DNAH14: variants seen among roughly 807,000 people sequenced by gnomAD.
DNAH14 encodes dynein axonemal heavy chain 14, also known as axonemal beta dynein heavy chain 14.
DNAH14 carries 478 observed loss-of-function variants against 520.9 expected under a neutral mutation model. That is an observed-to-expected ratio of 0.92 (90% confidence interval 0.85 to 0.99). The LOEUF (loss-of-function observed/expected upper bound fraction) is 0.99, where lower values mean the gene tolerates loss of function less well. Among genes scored for constraint, DNAH14 ranks in the 50% least tolerant of loss-of-function variants. The pLI, the probability that DNAH14 is intolerant of heterozygous loss-of-function variation, is 0.00. For synonymous variants in DNAH14, 1,581 were observed against 1,757.2 expected, an observed-to-expected ratio of 0.90 and a Z score of 2.51; for missense variants, 4,831 against 5,234.5, an observed-to-expected ratio of 0.92 and a Z score of 2.38.
rs1329090384 is a variant in DNAH14, at chr1:225,232,387, C to G, written c.6518+1236C>G. 1.3e-5 allele frequency among the ~76,000 whole-genome samples: 2 copies of G among 151,744 alleles called. No individual in the cohort carries two copies. The highest frequency in any genetic ancestry group is 4.8e-5 in the African/African-American group (2 of 41,280). On this transcript the variant is annotated intron_variant, in intron 42 of 85. Transcript: ENST00000682510. This position sits in a 1 kb window ranked among gnomAD's most constrained non-coding sequence, Gnocchi z 4.2. ...TAGTAATATGATTAATGTGCTTGTA[C>G]ATGTCTCTTGGTACTTATATGCAAT...
chr1:225,256,293 G>C (rs1193058715), intron 44 of DNAH14, among the ~76,000 whole-genome samples: 3 of 152,140 alleles, frequency 2.0e-5, no homozygotes, highest in Admixed American at 6.5e-5. Context: ...AAAACAGAGA[G>C]AATTAGTGCG....
chr1:225,202,654 C>T (rs936047507), intron 38 of DNAH14, among the ~76,000 whole-genome samples: 6 of 152,286 alleles, frequency 3.9e-5, no homozygotes, highest in Admixed American at 6.5e-5. Context: ...ATGCTTCCTC[C>T]GCCTATGGAG....
At position 225,210,742 on chromosome 1, in the gene DNAH14, T is replaced by C. The variant is rs560960851; in HGVS notation, c.6439+3522T>C. On this transcript the variant is annotated intron_variant, in intron 41 of 85. Transcript: ENST00000682510. ...CCAGCAGGGGCCAACAAACACCTCA[T>C]ACAGGAGAGCCCCAGCTGGCATCTG... Among the ~76,000 whole-genome samples, 6 of 152,162 alleles carry C rather than the reference T, an allele frequency of 3.9e-5. No homozygotes were observed. In the East Asian group the frequency reaches 9.7e-4, roughly 25 times the overall value.
Position 225,346,340 on chromosome 1 carries a change from T to G in DNAH14, c.11057T>G (p.Ile3686Ser). Reference protein sequence around the residue: ...ENEKNLLDKHIKSAIDMLTKS... With the variant: ...ENEKNLLDKHSKSAIDMLTKS... ...GAGAAAAATCTCTTAGATAAGCATA[T>G]TAAAAGTGCAATAGACATGTTGACA... The change falls in exon 70 of 86, where the codon ATT becomes AGT. Residue 3686 changes from isoleucine to serine, a missense_variant. By Grantham distance (142) the Ile-to-Ser change is moderately radical (BLOSUM62 -2). Transcript: ENST00000682510. 6.5e-7 allele frequency: 1 copy of G among 1,536,342 alleles called. No individual in the cohort carries two copies. Among genetic ancestry groups the G allele is most frequent in the Non-Finnish European group, 8.8e-7 (1 of 1,142,842 alleles).
At chr1:225,102,318 CT>C (rs1474734168) in intron 23 of DNAH14, among the ~76,000 whole-genome samples, 1 of 151,988 alleles carries the variant, frequency 6.6e-6, no homozygotes, top group Non-Finnish European at 1.5e-5. Flanking sequence ...GGTTCCAAGT[CT>C]TTGCTATTGT....
chr1:225,144,948 AAAGT>A (rs1473538779), intron 29 of DNAH14, among the ~76,000 whole-genome samples: 1 of 151,994 alleles, frequency 6.6e-6, no homozygotes, highest in African/African-American at 2.4e-5. Context: ...AGAGAGAGAG[AAAGT>A]GAGACCGAAA....
At chr1:225,138,465 G>C (rs1038660252) in intron 27 of DNAH14, among the ~76,000 whole-genome samples, 1 of 152,216 alleles carries the variant, frequency 6.6e-6, no homozygotes, top group Non-Finnish European at 1.5e-5. Context: ...ACGCTGCTTG[G>C]CTCCCTATAG....
At chr1:225,082,171 G>GGTGT (rs56658194) in intron 19 of DNAH14, among the ~76,000 whole-genome samples, 4,209 of 145,286 alleles carry the variant, frequency 0.029, 177 homozygotes, top group African/African-American at 0.089. Flanking sequence ...GAATGTTTGT[G>GGTGT]GTGTGTGTGT....
At position 224,950,522 on chromosome 1, in the gene DNAH14, G is replaced by A. The variant is rs115418860; in HGVS notation, c.-33-2148G>A. ...TTTTTACTTGTCTGATATGAAAAAA[G>A]TAGCTCATTTAATTTTTTTTTACAG... On this transcript the variant is annotated intron_variant, in intron 1 of 85. Coordinates refer to ENST00000682510, the MANE Select transcript of DNAH14 (RefSeq NM_001367479.1). 3.9e-3 allele frequency among the ~76,000 whole-genome samples: 589 copies of A among 152,274 alleles called. 5 individuals carry two copies. Among genetic ancestry groups the A allele is most frequent in the African/African-American group, 0.013 (557 of 41,564 alleles).
rs201563428 is a variant in DNAH14 at position 225,211,873 on chromosome 1, A to AATTTATTTATTTATTT, written c.6439+4682_6439+4697dup. On this transcript the variant is annotated intron_variant, in intron 41 of 85. Coordinates refer to ENST00000682510, the MANE Select transcript of DNAH14 (RefSeq NM_001367479.1). ...TTAAAGGAAAGAATTTTCAACCCAG[A>AATTTATTTATTTATTT]ATTTATTTATTTATTTATTTATTTA... Among the ~76,000 whole-genome samples, 6 of 147,260 alleles carry AATTTATTTATTTATTT rather than the reference A, an allele frequency of 4.1e-5. No individual in the cohort carries two copies. In the East Asian group the frequency reaches 6.1e-4, roughly 15 times the overall value.
intron 54 of DNAH14, among the ~76,000 whole-genome samples, chr1:225,285,643 G>A (rs2093722823): frequency 4.6e-5 from 7 of 152,112 alleles, no homozygotes; most frequent in Admixed American, 4.6e-4. Context: ...GATTGCCTGA[G>A]GCCAGGAGTT....
At chr1:224,993,250 A>G (rs1350026148) in intron 8 of DNAH14, among the ~76,000 whole-genome samples, 3 of 151,940 alleles carry the variant, frequency 2.0e-5, no homozygotes, top group Non-Finnish European at 2.9e-5. Flanking sequence ...TCTCTTTCCA[A>G]TTTTTGGAAG....
intron 71 of DNAH14, among the ~76,000 whole-genome samples, chr1:225,350,443 A>G (rs4535969): frequency 0.6 from 90,447 of 151,734 alleles, 28,062 homozygotes; most frequent in East Asian, 0.76. Flanking sequence ...TAGAGAATAG[A>G]AAAAAAATAA....
chr1:225,286,294 G>A (rs1056354453), intron 54 of DNAH14, among the ~76,000 whole-genome samples: 2 of 152,090 alleles, frequency 1.3e-5, no homozygotes, highest in Non-Finnish European at 2.9e-5. Flanking sequence ...AAATGCTAGA[G>A]GAGAGGATTT....
At chr1:225,204,094 C>T in intron 38 of DNAH14, 89 bp from the exon 39 acceptor site, 1 of 629,172 alleles carries the variant, frequency 1.6e-6, no homozygotes, top group Admixed American at 4.2e-5. Context: ...ATATTTTTAT[C>T]ACTCAAGAAA....
rs374327239 is a variant in DNAH14 at position 225,135,729 on chromosome 1, A to T, written c.4255-5039A>T. The stretch of plus-strand genomic sequence containing the variant: ...AATATCTTTGTTTATTTTCTGTCTC[A>T]GTGATCTGTCTAATATTGTCAGAGG... On this transcript the variant is annotated intron_variant, in intron 27 of 85. Coordinates refer to ENST00000682510, the MANE Select transcript of DNAH14 (RefSeq NM_001367479.1). Among the ~76,000 whole-genome samples, 8 of 152,182 alleles carry T rather than the reference A, an allele frequency of 5.3e-5. 1 individual carries two copies. In the East Asian group the frequency reaches 1.5e-3, roughly 29 times the overall value.
At chr1:225,303,850 G>A (rs1464239973) in intron 57 of DNAH14, among the ~76,000 whole-genome samples, 1 of 152,132 alleles carries the variant, frequency 6.6e-6, no homozygotes, top group Non-Finnish European at 1.5e-5. Flanking sequence ...GACAGCAAAG[G>A]GGGTAAGAAG....
intron 9 of DNAH14, among the ~76,000 whole-genome samples, chr1:225,007,208 C>G (rs996604729): frequency 2.0e-5 from 3 of 152,060 alleles, no homozygotes; most frequent in African/African-American, 7.2e-5. Context: ...GTTTAAAACA[C>G]CAATGTATTT....
chr1:225,335,845 A>G lies in DNAH14; in HGVS notation c.10081-1421A>G, dbSNP rs573730790. Among the ~76,000 whole-genome samples, 321 of 96,338 alleles carry G rather than the reference A, an allele frequency of 3.3e-3. 50 individuals are homozygous for G. Among genetic ancestry groups the G allele is most frequent in the African/African-American group, 0.013 (307 of 22,822 alleles). The allele number at this position is 96,338 out of a possible 152,430, so 63.2% of individuals were successfully genotyped here. ...TACACATATGTACATATATGTACAT[A>G]CACATATGTACATATATGTACATAC... On this transcript the variant is annotated intron_variant, in intron 66 of 85. Coordinates refer to ENST00000682510, the MANE Select transcript of DNAH14 (RefSeq NM_001367479.1).
Sources: gnomAD v4.1 joint callset for allele counts (sites outside exome capture counted in the v4.1 genomes callset) on GRCh38, gnomAD v4.1.1 for gene constraint, Gnocchi (gnomAD v3.1) non-coding constraint, MANE v1.5 for transcripts, NCBI Gene and HGNC (gene_info 2026-07-23, HGNC 2026-07-21) for gene names.